The following NCOR1 variants were observed in gnomAD, a reference collection of about 807,000 sequenced individuals.
NCOR1 encodes the protein nuclear receptor corepressor 1.
A neutral mutation model predicts 288.1 loss-of-function variants in NCOR1; 63 were observed. The observed-to-expected ratio is 0.22, with a 90% CI of 0.18 to 0.27. NCOR1 has a LOEUF of 0.27. Among genes scored for constraint, NCOR1 ranks in the 10% least tolerant of loss-of-function variants. The pLI is 1.00. For missense variants in NCOR1, 2,397 were observed against 3,019.2 expected (o/e 0.79, Z 4.83); for synonymous variants, 1,007 against 1,065.9 (o/e 0.94, Z 1.08).
At chr17:16,173,847 C>T (rs991140793) in intron 3 of NCOR1, among the ~76,000 whole-genome samples, 2 of 151,994 alleles carry the variant, frequency 1.3e-5, no homozygotes, top group Non-Finnish European at 2.9e-5. Context: ...GGAAGAATCG[C>T]TTGAACCCAG....
chr17:16,196,622 G>C (rs1282996667), intron 1 of NCOR1, among the ~76,000 whole-genome samples: 1 of 151,880 alleles, frequency 6.6e-6, no homozygotes, highest in African/African-American at 2.4e-5. Flanking sequence ...TCAGGAGATC[G>C]AGACCATCCT....
At chr17:16,179,021 TG>T (rs1277509137) in intron 3 of NCOR1, among the ~76,000 whole-genome samples, 1 of 152,128 alleles carries the variant, frequency 6.6e-6, no homozygotes, top group East Asian at 1.9e-4. Context: ...AAGAATCGTT[TG>T]AACATGAGAG....
chr17:16,198,368 A>AG (rs2153572822), intron 1 of NCOR1: 1 of 152,464 alleles, frequency 6.6e-6, no homozygotes, highest in Non-Finnish European at 1.4e-5. Context: ...AAAAAAAAAA[A>AG]AAAAAAAAAA....
chr17:16,108,627 T>C (rs1009266802), intron 19 of NCOR1, among the ~76,000 whole-genome samples, 159 bp downstream of exon 19: 1 of 152,240 alleles, frequency 6.6e-6, no homozygotes, highest in Non-Finnish European at 1.5e-5. Flanking sequence ...ATTTGTTGAT[T>C]AAATGAATAA....
At chr17:16,190,089 G>C (rs1018795099) in intron 2 of NCOR1, among the ~76,000 whole-genome samples, 1 of 152,118 alleles carries the variant, frequency 6.6e-6, no homozygotes, top group Non-Finnish European at 1.5e-5. Flanking sequence ...AATTAGCTGG[G>C]CATGGTGGTT....
chr17:16,110,478 G>C (rs143342298), intron 18 of NCOR1, among the ~76,000 whole-genome samples: 3 of 152,180 alleles, frequency 2.0e-5, no homozygotes, highest in African/African-American at 7.2e-5. Flanking sequence ...TCGCATATAC[G>C]TAAGAGTACA....
At chr17:16,066,026 G>A in intron 32 of NCOR1, 1 of 343,412 alleles carries the variant, frequency 2.9e-6, no homozygotes, top group Non-Finnish European at 5.6e-6. Flanking sequence ...TGTCTTTATA[G>A]TACTGATCAT....
chr17:16,152,808 A>G (rs1239930390), intron 7 of NCOR1, among the ~76,000 whole-genome samples: 6 of 152,122 alleles, frequency 3.9e-5, no homozygotes, highest in African/African-American at 1.4e-4. Flanking sequence ...CATCCTCTCC[A>G]GCACCTGTTG....
At chr17:16,091,065 TTTC>T (rs2065095014) in intron 22 of NCOR1, among the ~76,000 whole-genome samples, 1 of 152,270 alleles carries the variant, frequency 6.6e-6, no homozygotes, top group South Asian at 2.1e-4. Context: ...AAACCACCCC[TTTC>T]TTCTTTTTTT....
rs2153056733 is a variant in NCOR1 at position 16,108,899 on chromosome 17, G to A, written c.2069C>T (p.Pro690Leu). Residue 690 changes from proline to leucine, a missense_variant, in exon 19 of 46, where the codon CCT becomes CTT. Around this residue, in one of 11 missense-constraint regions of NCOR1, gnomAD observed 1,872 missense variants for 2,187.8 expected, o/e 0.86. Transcript: ENST00000268712. ...QQHKQKTSRK[P>L]REERDVSQCE... The stretch of plus-strand genomic sequence containing the variant: ...TTGAGACACATCTCGCTCTTCACGA[G>A]GTTTTCGTGAAGTCTAAAGGAGGAA... 3.1e-6 allele frequency: 5 copies of A among 1,587,444 alleles called. No homozygotes were observed. Among genetic ancestry groups the A allele is most frequent in the Non-Finnish European group, 4.3e-6 (5 of 1,166,614 alleles).
chr17:16,100,431 A>T lies in NCOR1; in HGVS notation c.2690+819T>A, dbSNP rs968426559. ...TGAGATGGGTGGATCACCTGAGGTC[A>T]GGAGTTTGAGACCAGCCTGGCCAAC... On this transcript the variant is annotated intron_variant, in intron 20 of 45. Transcript: ENST00000268712. Among the ~76,000 whole-genome samples the T allele has an allele frequency of 2.6e-5, 4 of 152,204 alleles. No homozygotes were observed. In the South Asian group the frequency reaches 6.2e-4, roughly 24 times the overall value.
chr17:16,075,135 T>C (rs866928889), intron 27 of NCOR1, among the ~76,000 whole-genome samples: 3 of 152,198 alleles, frequency 2.0e-5, no homozygotes, highest in African/African-American at 7.2e-5. Context: ...CCCAAAGTAC[T>C]GGGATTAGAT....
At chr17:16,211,279 G>A (rs2092105245) in intron 1 of NCOR1, among the ~76,000 whole-genome samples, 1 of 150,052 alleles carries the variant, frequency 6.7e-6, no homozygotes, top group African/African-American at 2.4e-5. Flanking sequence ...TTTTTTGAGA[G>A]ACAGTCTTGC....
intron 40 of NCOR1, 79 bp downstream of exon 40, chr17:16,057,435 C>G: frequency 7.0e-7 from 1 of 1,423,420 alleles, no homozygotes; most frequent in Non-Finnish European, 9.8e-7. Flanking sequence ...TTGTGAGAAA[C>G]AAATTCCTTA....
At chr17:16,051,397 C>T (rs1252984678) in intron 40 of NCOR1, among the ~76,000 whole-genome samples, 1 of 152,056 alleles carries the variant, frequency 6.6e-6, no homozygotes, top group South Asian at 2.1e-4. Context: ...ATAACCTGCT[C>T]CTGGAGTACA....
intron 8 of NCOR1, 30 bp downstream of exon 8, chr17:16,151,916 T>C (rs777876886): frequency 3.9e-6 from 6 of 1,529,276 alleles, no homozygotes; most frequent in Non-Finnish European, 5.4e-6. Flanking sequence ...GGTCTTTAAT[T>C]GAAGAACTCC....
chr17:16,035,850 T>A (rs1372886773), intron 44 of NCOR1, among the ~76,000 whole-genome samples: 3 of 152,146 alleles, frequency 2.0e-5, no homozygotes, highest in Non-Finnish European at 4.4e-5. Flanking sequence ...CCTCTCTTGC[T>A]ATTTCTCCTA....
intron 6 of NCOR1, among the ~76,000 whole-genome samples, chr17:16,153,771 A>G (rs2079238767): frequency 6.6e-6 from 1 of 152,138 alleles, no homozygotes; most frequent in Non-Finnish European, 1.5e-5. Flanking sequence ...CAAACATTCT[A>G]CATACTTTAA....
chr17:16,114,206 A>G (rs1165979954), intron 18 of NCOR1, among the ~76,000 whole-genome samples: 1 of 151,150 alleles, frequency 6.6e-6, no homozygotes, highest in African/African-American at 2.4e-5. Flanking sequence ...AAACCAGTAG[A>G]TCTCCTAAGA....
Sources: gnomAD v4.1 joint callset for allele counts (sites outside exome capture counted in the v4.1 genomes callset) on GRCh38, gnomAD v4.1.1 for gene constraint, gnomAD v4.1.1 regional missense constraint, MANE v1.5 for transcripts, NCBI Gene and HGNC (gene_info 2026-07-23, HGNC 2026-07-21) for gene names.